ALDH1L1: variants seen among roughly 807,000 people sequenced by gnomAD.
ALDH1L1 encodes the protein cytosolic 10-formyltetrahydrofolate dehydrogenase.
In ALDH1L1, 68 loss-of-function variants were observed where a neutral mutation model predicts 101.1. The ratio of observed to expected loss-of-function variants is 0.67; its 90% confidence interval spans 0.55 to 0.82. ALDH1L1 has a LOEUF of 0.82. Ranked by LOEUF, ALDH1L1 falls within the 40% of genes least tolerant of loss-of-function variation. The pLI is 0.00. For missense variants in ALDH1L1, 1,087 were observed against 1,172.7 expected (o/e 0.93, Z 1.07); for synonymous variants, 486 against 470.8 (o/e 1.03, Z -0.42).
chr3:126,169,148 AAAAAAC>A (rs1436497295), intron 1 of ALDH1L1, among the ~76,000 whole-genome samples: 1 of 152,294 alleles, frequency 6.6e-6, no homozygotes, highest in Non-Finnish European at 1.5e-5. Flanking sequence ...CTAAACTAAT[AAAAAAC>A]AAAAACAAGT....
rs1233216043 is a variant in ALDH1L1, at chr3:126,112,843, C to A, written c.2120G>T (p.Cys707Phe). Reference sequence around the variant, plus strand: ...CACAAAGAGTCGGCCTGCTGCAATGCAATTCTCTCCTTTGTTGAAGAAAAC... The same window carrying A: ...CACAAAGAGTCGGCCTGCTGCAATGAAATTCTCTCCTTTGTTGAAGAAAAC... ...SSVFFNKGEN[C>F]IAAGRLFVED... The change falls in exon 19 of 23, where the codon TGC becomes TTC. Residue 707 changes from cysteine to phenylalanine, a missense_variant. Cys to Phe is a radical substitution (Grantham distance 205). Coordinates refer to ENST00000393434, the MANE Select transcript of ALDH1L1 (RefSeq NM_012190.4). 1 of 1,613,716 alleles carries A rather than the reference C, an allele frequency of 6.2e-7. No individual in the cohort carries two copies.
At chr3:126,143,340 C>A (rs1338727552) in intron 9 of ALDH1L1, among the ~76,000 whole-genome samples, 1 of 152,192 alleles carries the variant, frequency 6.6e-6, no homozygotes, top group African/African-American at 2.4e-5. Context: ...GTGGGCAGTG[C>A]ATACACCATG....
At chr3:126,146,813 A>G in intron 9 of ALDH1L1, 22 bp downstream of exon 9, 5 of 1,611,702 alleles carry the variant, frequency 3.1e-6, no homozygotes, top group Non-Finnish European at 4.2e-6. Context: ...CTGGGACAGG[A>G]CCCCTCCACT....
intron 2 of ALDH1L1, among the ~76,000 whole-genome samples, chr3:126,159,037 A>T (rs980688443): frequency 5.9e-5 from 9 of 152,116 alleles, no homozygotes; most frequent in African/African-American, 2.2e-4. Flanking sequence ...CTGTTCCCTG[A>T]TGGAGGAAGA....
intron 8 of ALDH1L1, among the ~76,000 whole-genome samples, chr3:126,147,750 G>A (rs975254679): frequency 1.3e-5 from 2 of 152,118 alleles, no homozygotes; most frequent in Non-Finnish European, 2.9e-5. Context: ...GGCCCAATCA[G>A]AACCAGTTCC....
At chr3:126,192,448 G>T (rs541283413) in intron 1 of ALDH1L1, among the ~76,000 whole-genome samples, 1 of 152,162 alleles carries the variant, frequency 6.6e-6, no homozygotes, top group Non-Finnish European at 1.5e-5. Context: ...AAACATTTGG[G>T]TATTTTAGAG....
At chr3:126,133,484 CCCA>C (rs1490262573) in intron 12 of ALDH1L1, among the ~76,000 whole-genome samples, 1 of 152,198 alleles carries the variant, frequency 6.6e-6, no homozygotes, top group Non-Finnish European at 1.5e-5. Context: ...CTTTGAATCC[CCCA>C]CATTTCTAGA....
chr3:126,124,339 C>T (rs1194436889), intron 16 of ALDH1L1, 25 bp downstream of exon 16: 1 of 1,597,378 alleles, frequency 6.3e-7, no homozygotes, highest in Admixed American at 1.7e-5. Context: ...GAAGCCCTAG[C>T]CCTGCCCCCG....
At chr3:126,181,229 A>G (rs1039941265), upstream of ALDH1L1, 28 of 590,136 alleles carry the variant, frequency 4.7e-5, no homozygotes, top group Non-Finnish European at 6.3e-5. Context: ...GCCCGGTCTC[A>G]GGCAAGGCCA....
intron 1 of ALDH1L1, among the ~76,000 whole-genome samples, chr3:126,161,433 G>T (rs1427917112): frequency 6.6e-6 from 1 of 152,170 alleles, no homozygotes; most frequent in Admixed American, 6.5e-5. Context: ...TACAAATTAG[G>T]CTTATTCCTC....
chr3:126,133,258 A>G (rs192940162), intron 12 of ALDH1L1, among the ~76,000 whole-genome samples: 10 of 152,298 alleles, frequency 6.6e-5, no homozygotes, highest in Non-Finnish European at 8.8e-5. Flanking sequence ...CCTTGGGGTG[A>G]TAAGGTGAAA....
chr3:126,125,358 C>T lies in ALDH1L1; in HGVS notation c.1800+258G>A, dbSNP rs1053696345. The stretch of plus-strand genomic sequence containing the variant: ...GCAGAAATCCCTGCCTCTGCTCACC[C>T]GAGCAGCTGCAAGTTCCAGCACAGC... On this transcript the variant is annotated intron_variant, in intron 15 of 22. Coordinates refer to ENST00000393434, the MANE Select transcript of ALDH1L1 (RefSeq NM_012190.4). Among the ~76,000 whole-genome samples the T allele has an allele frequency of 4.6e-5, 7 of 152,218 alleles. No homozygotes were observed. In the South Asian group the frequency reaches 8.3e-4, roughly 18 times the overall value.
In ALDH1L1 at chr3:126,105,366, A is replaced by G. The variant is rs530795327; in HGVS notation, c.2653+360T>C. 3.1e-5 allele frequency: 11 copies of G among 357,036 alleles called. No homozygotes were observed. The East Asian group carries it at 7.8e-4, about 25-fold the overall frequency. The allele number at this position is 357,036 out of a possible 1,614,324, so 22.1% of individuals were successfully genotyped here. ...TCCACGACCAAAGCTGGTTCCCCCA[A>G]GGACCTGCTGAACCCTCAGCCAGAA... On this transcript the variant is annotated intron_variant, in intron 22 of 22. Coordinates refer to ENST00000393434, the MANE Select transcript of ALDH1L1 (RefSeq NM_012190.4).
chr3:126,105,782 G>A lies in ALDH1L1; in HGVS notation c.2597C>T (p.Thr866Ile), dbSNP rs763813220. The change falls in exon 22 of 23, where the codon ACC (threonine) becomes ATC (isoleucine). Residue 866 changes from threonine to isoleucine, a missense_variant. Coordinates refer to ENST00000393434, the MANE Select transcript of ALDH1L1 (RefSeq NM_012190.4). ...GTVFVNTYNK[T>I]DVAAPFGGFK... is the part of the protein sequence containing the mutation. ...TCCTCCGAAGGGAGCGGCCACGTCG[G>A]TCTTGTTGTACGTGTTGACAAACAC... The A allele has an allele frequency of 2.5e-6, 4 of 1,614,226 alleles. No homozygotes were observed. The highest frequency in any genetic ancestry group is 2.5e-6 in the Non-Finnish European group (3 of 1,180,042).
chr3:126,118,063 C>T lies in ALDH1L1; in HGVS notation c.1924G>A (p.Asp642Asn). The T allele has an allele frequency of 3.7e-6, 6 of 1,614,010 alleles. No homozygotes were observed. The highest frequency in any genetic ancestry group is 5.1e-6 in the Non-Finnish European group (6 of 1,180,002). The stretch of plus-strand genomic sequence containing the variant: ...CCTGTGAACCCGATTTTCCTCACAT[C>T]AGGATGGTCTGAGAGTCTCTGGCCG... ...LVGQRLSDHP[D>N]VRKIGFTGST... The change falls in exon 17 of 23, where the codon GAT becomes AAT. Residue 642 changes from aspartate to asparagine, a missense_variant. Asp to Asn is a conservative substitution (Grantham distance 23). Coordinates refer to ENST00000393434, the MANE Select transcript of ALDH1L1 (RefSeq NM_012190.4).
intron 22 of ALDH1L1, 113 bp from the exon 23 acceptor site, chr3:126,103,959 C>T: frequency 8.2e-7 from 1 of 1,220,732 alleles, no homozygotes; most frequent in Non-Finnish European, 1.2e-6. Flanking sequence ...GCTCACCCCA[C>T]TTCCAGGTGA....
chr3:126,151,957 T>G (rs1218955344), intron 7 of ALDH1L1: 1 of 152,772 alleles, frequency 6.5e-6, no homozygotes. Context: ...GACACTTAAT[T>G]GCCTTCTTTG....
At chr3:126,178,047 A>G (rs1000104090) in intron 1 of ALDH1L1, among the ~76,000 whole-genome samples, 6 of 85,854 alleles carry the variant, frequency 7.0e-5, no homozygotes. Flanking sequence ...TTTCAAAAAG[A>G]AAAAAGCTGT....
intron 1 of ALDH1L1, among the ~76,000 whole-genome samples, chr3:126,166,217 C>G (rs1198728357): frequency 6.6e-6 from 1 of 152,188 alleles, no homozygotes; most frequent in Non-Finnish European, 1.5e-5. Flanking sequence ...GCCATTCTCC[C>G]TCTCCGGGAA....
Sources: allele counts gnomAD v4.1 joint callset (sites outside exome capture counted in the v4.1 genomes callset), GRCh38; gene constraint gnomAD v4.1.1; transcripts MANE v1.5; gene names NCBI Gene and HGNC (gene_info 2026-07-23, HGNC 2026-07-21).